Variants in RAD54L2 observed in about 807,000 individuals in gnomAD.
RAD54L2 encodes RAD54 like 2.
Under a neutral mutation model 138.4 loss-of-function variants are expected in RAD54L2, and 27 were observed. The ratio of observed to expected loss-of-function variants is 0.20; its 90% confidence interval spans 0.14 to 0.27. RAD54L2 has a LOEUF of 0.27. RAD54L2 is among the 10% of genes least tolerant of loss of function. RAD54L2 has a pLI of 1.00. For missense variants in RAD54L2, 1,396 were observed against 1,890.2 expected, an observed-to-expected ratio of 0.74 and a Z score of 4.85; for synonymous variants, 644 against 723.2, an observed-to-expected ratio of 0.89 and a Z score of 1.76.
chr3:51,611,336 T>C (rs1326040563), intron 3 of RAD54L2: 1 of 152,030 alleles, frequency 6.6e-6, no homozygotes, highest in African/African-American at 2.4e-5. Flanking sequence ...TTTTGATACA[T>C]GCATACAATG....
chr3:51,649,625 A>G (rs997413213), intron 19 of RAD54L2, among the ~76,000 whole-genome samples: 1 of 152,228 alleles, frequency 6.6e-6, no homozygotes, highest in Admixed American at 6.5e-5. Flanking sequence ...AAGCCAGAAG[A>G]GAGTGGGGGC....
At chr3:51,540,785 C>T (rs1198768351) in intron 1 of RAD54L2, among the ~76,000 whole-genome samples, 1 of 152,118 alleles carries the variant, frequency 6.6e-6, no homozygotes, top group African/African-American at 2.4e-5. Flanking sequence ...GGTGTGGTGG[C>T]TAACGCCTGT....
chr3:51,598,410 T>C lies in RAD54L2; in HGVS notation c.139+7851T>C, dbSNP rs567400826. Among the ~76,000 whole-genome samples the C allele has an allele frequency of 2.6e-5, 4 of 152,042 alleles. No individual in the cohort carries two copies. In the South Asian group the frequency reaches 8.3e-4, roughly 31 times the overall value. On this transcript the variant is annotated intron_variant, in intron 3 of 22. Transcript: ENST00000684192. Reference sequence around the variant, plus strand: ...TCCAGAGAGGGTCCCACTCATACGCTGGGGGAAGTAATACTGACATGAAGC... The same window carrying C: ...TCCAGAGAGGGTCCCACTCATACGCCGGGGGAAGTAATACTGACATGAAGC...
At chr3:51,607,973 G>GC (rs1212288166) in intron 3 of RAD54L2, among the ~76,000 whole-genome samples, 1 of 146,990 alleles carries the variant, frequency 6.8e-6, no homozygotes, top group Admixed American at 6.7e-5. Context: ...GGTGGGGGCT[G>GC]CCCCCCACCT....
chr3:51,574,604 G>A (rs2106672661), intron 2 of RAD54L2, among the ~76,000 whole-genome samples: 1 of 152,280 alleles, frequency 6.6e-6, no homozygotes, highest in South Asian at 2.1e-4. Context: ...CAGTGATGAT[G>A]AGCATTTTTT....
chr3:51,645,350 C>A lies in RAD54L2; in HGVS notation c.2656+121C>A. 1 of 1,102,974 alleles carries A rather than the reference C, an allele frequency of 9.1e-7. No homozygotes were observed. The highest frequency in any genetic ancestry group is 1.3e-6 in the Non-Finnish European group (1 of 766,528). The allele number at this position is 1,102,974 out of a possible 1,614,324, so 68.3% of individuals were successfully genotyped here. ...GCAGGCTTCGAGAAAGCCAGCATTT[C>A]CTCCTATCTCATTCTGATTCAAATT... On this transcript the variant is annotated intron_variant, in intron 17 of 22. Transcript: ENST00000684192. The surrounding 1 kb of genome is among the most constrained non-coding windows in gnomAD (Gnocchi z 6.1).
Position 51,567,941 on chromosome 3 carries a change from C to CAA in RAD54L2, c.-54-22407_-54-22406dup, listed in dbSNP as rs763939768. On this transcript the variant is annotated intron_variant, in intron 2 of 22. Transcript: ENST00000684192. ...TGGGTGACAGAGCAAGACCCTGTCT[C>CAA]AAAAAAAAAAAAAAAAAAAAGAATG... Among the ~76,000 whole-genome samples, 149 of 81,606 alleles carry CAA rather than the reference C, an allele frequency of 1.8e-3. 1 individual carries two copies. The highest frequency in any genetic ancestry group is 6.3e-3 in the African/African-American group (141 of 22,422). The allele number at this position is 81,606 out of a possible 152,430, so 53.5% of individuals were successfully genotyped here. A position where few individuals can be genotyped will look rare whatever the true frequency, so the allele number is the denominator to read the frequency against.
Position 51,660,074 on chromosome 3 carries a change from C to G in RAD54L2, c.3365C>G (p.Thr1122Ser), listed in dbSNP as rs1314312418. The G allele has an allele frequency of 2.5e-6, 4 of 1,600,882 alleles. No homozygotes were observed. Among genetic ancestry groups the G allele is most frequent in the South Asian group, 2.2e-5 (2 of 90,494 alleles). ...GGACGGATCTTTGCTGTCCGGGCAA[C>G]TGGCAAACCAAAGGTTCCTGAAGAT... Reference protein sequence around the residue: ...SDGRIFAVRATGKPKVPEDGR... With the variant: ...SDGRIFAVRASGKPKVPEDGR... The change falls in exon 22 of 23, where the codon ACT (threonine) becomes AGT (serine). Residue 1122 changes from threonine to serine, a missense_variant. Physicochemically the swap from Thr to Ser is moderately conservative, Grantham distance 58. Transcript: ENST00000684192.
intron 3 of RAD54L2, among the ~76,000 whole-genome samples, chr3:51,604,983 G>A (rs999759130): frequency 4.0e-5 from 6 of 151,762 alleles, no homozygotes; most frequent in East Asian, 1.9e-4. Flanking sequence ...GTACAGTGGC[G>A]TGATCTCGGC....
At position 51,569,594 on chromosome 3, in the gene RAD54L2, G is replaced by A. The variant is rs187068554; in HGVS notation, c.-54-20773G>A. 2.9e-3 allele frequency among the ~76,000 whole-genome samples: 440 copies of A among 152,192 alleles called. 4 individuals carry two copies. Among genetic ancestry groups the A allele is most frequent in the Non-Finnish European group, 5.3e-4 (36 of 68,020 alleles). On this transcript the variant is annotated intron_variant, in intron 2 of 22. Coordinates refer to ENST00000684192, the MANE Select transcript of RAD54L2 (RefSeq NM_015106.4). ...AGACTGGGTTTTACCATGTTGGCCA[G>A]GCTGGTCTTGAACTCCTGACCTCAT...
intron 3 of RAD54L2, among the ~76,000 whole-genome samples, chr3:51,608,093 G>A (rs1303335607): frequency 6.7e-6 from 1 of 150,348 alleles, no homozygotes; most frequent in African/African-American, 2.5e-5. Flanking sequence ...GGGTGGAGGG[G>A]CTCCTCACTT....
chr3:51,605,104 T>TC (rs1700151428), intron 3 of RAD54L2, among the ~76,000 whole-genome samples: 1 of 150,452 alleles, frequency 6.6e-6, no homozygotes, highest in Non-Finnish European at 1.5e-5. Context: ...TTTTTTTTTT[T>TC]TTTGAGACTG....
chr3:51,556,482 A>G (rs1698969500), intron 2 of RAD54L2, among the ~76,000 whole-genome samples: 1 of 152,042 alleles, frequency 6.6e-6, no homozygotes, highest in African/African-American at 2.4e-5. Context: ...TCCTGTCCTC[A>G]AGTGATCCTC....
At chr3:51,632,363 G>A (rs969196022) in intron 7 of RAD54L2, among the ~76,000 whole-genome samples, 3 of 151,942 alleles carry the variant, frequency 2.0e-5, no homozygotes, top group East Asian at 2.0e-4. Flanking sequence ...GCACAATCTC[G>A]GCTCACTCCA....
At position 51,660,030 on chromosome 3, in the gene RAD54L2, G is replaced by A. The variant is rs542728568; in HGVS notation, c.3321G>A (p.Thr1107=). Residue 1107 remains threonine, a synonymous_variant, in exon 22 of 23, where the codon ACG becomes ACA. Transcript: ENST00000684192. ...CTTCTTCGTGTCTATTCTTAGGGAC[G>A]TACATCCGTACCAGTGATGGACGGA... ...SIHIIRGTKG[T]YIRTSDGRIF... The A allele has an allele frequency of 1.5e-5, 23 of 1,574,332 alleles. No homozygotes were observed. In the East Asian group the frequency reaches 1.8e-4, roughly 12 times the overall value.
At chr3:51,568,641 C>A (rs1307568780) in intron 2 of RAD54L2, among the ~76,000 whole-genome samples, 2 of 152,070 alleles carry the variant, frequency 1.3e-5, no homozygotes, top group Non-Finnish European at 2.9e-5. Context: ...CAGGCTGCAG[C>A]CCCATGGTTA....
At chr3:51,586,407 C>T (rs1257747100) in intron 2 of RAD54L2, among the ~76,000 whole-genome samples, 1 of 151,624 alleles carries the variant, frequency 6.6e-6, no homozygotes, top group African/African-American at 2.4e-5. Flanking sequence ...CATGAACCAT[C>T]ACACCAGGCT....
Position 51,645,307 on chromosome 3 carries a change from C to T in RAD54L2, c.2656+78C>T, listed in dbSNP as rs150293640. The T allele has an allele frequency of 3.6e-4, 504 of 1,396,918 alleles. 2 individuals are homozygous for T. In the East Asian group the frequency reaches 0.012, roughly 33 times the overall value. The allele number at this position is 1,396,918 out of a possible 1,614,324, so 86.5% of individuals were successfully genotyped here. A position where few individuals can be genotyped will look rare whatever the true frequency, so the allele number is the denominator to read the frequency against. ...TTTAGTATCAAGGGTGGGAGAGGAG[C>T]AGGATATGGGAACACAGGCAGGCTT... On this transcript the variant is annotated intron_variant, in intron 17 of 22. Transcript: ENST00000684192. This position sits in a 1 kb window ranked among gnomAD's most constrained non-coding sequence, Gnocchi z 6.1.
chr3:51,628,708 A>G (rs546196663), intron 4 of RAD54L2, among the ~76,000 whole-genome samples: 4 of 149,722 alleles, frequency 2.7e-5, no homozygotes, highest in South Asian at 2.1e-4. Context: ...TTTCTTTTCT[A>G]CATGACAACA....
Sources: gnomAD v4.1 joint callset for allele counts (sites outside exome capture counted in the v4.1 genomes callset) on GRCh38, gnomAD v4.1.1 for gene constraint, Gnocchi (gnomAD v3.1) non-coding constraint, MANE v1.5 for transcripts, NCBI Gene and HGNC (gene_info 2026-07-23, HGNC 2026-07-21) for gene names.